RAB3GAP2: variants seen among roughly 807,000 people sequenced by gnomAD.
The protein encoded by RAB3GAP2 is rab3 GTPase-activating protein non-catalytic subunit.
A neutral mutation model predicts 185.3 loss-of-function variants in RAB3GAP2; 87 were observed. That is an observed-to-expected ratio of 0.47 (90% CI 0.39 to 0.56). The LOEUF (loss-of-function observed/expected upper bound fraction) is 0.56, where lower values mean the gene tolerates loss of function less well. Ranked by LOEUF, RAB3GAP2 falls within the 20% of genes least tolerant of loss-of-function variation. The pLI, the probability that RAB3GAP2 is intolerant of heterozygous loss-of-function variation, is 0.00. For synonymous variants in RAB3GAP2, 554 were observed against 576.1 expected, an observed-to-expected ratio of 0.96 and a Z score of 0.55; for missense variants, 1,492 against 1,638.2, an observed-to-expected ratio of 0.91 and a Z score of 1.54.
In RAB3GAP2 at chr1:220,157,140, G is replaced by A. The variant is rs538483297; in HGVS notation, c.3555+130C>T. On this transcript the variant is annotated intron_variant, in intron 31 of 34. Coordinates refer to ENST00000358951, the MANE Select transcript of RAB3GAP2 (RefSeq NM_012414.4). ...AAGAACGGAATCAAGCAGGGAATGA[G>A]GGAGTTGGAACCTCACACCAAATTA... The A allele has an allele frequency of 2.1e-5, 17 of 800,088 alleles. No homozygotes were observed. In the African/African-American group the frequency reaches 2.2e-4, roughly 10 times the overall value. 49.6% of individuals were successfully genotyped at this position (800,088 alleles called of 1,614,324 possible). A position where few individuals can be genotyped will look rare whatever the true frequency, so the allele number is the denominator to read the frequency against.
chr1:220,214,434 G>A (rs1466203293), intron 2 of RAB3GAP2, among the ~76,000 whole-genome samples: 2 of 152,026 alleles, frequency 1.3e-5, no homozygotes, highest in South Asian at 2.1e-4. Context: ...GCTGAGGCAG[G>A]AGAATCACTT....
chr1:220,220,848 G>A lies in RAB3GAP2; in HGVS notation c.181-6869C>T, dbSNP rs140259595. ...TTTCACCTTCCACCATGATTGTGAG[G>A]CCTCCCCAGCCACGTGGAAGTGTAA... On this transcript the variant is annotated intron_variant, in intron 2 of 34. Transcript: ENST00000358951. 7.0e-3 allele frequency among the ~76,000 whole-genome samples: 1,062 copies of A among 152,256 alleles called. 14 individuals carry two copies. Among genetic ancestry groups the A allele is most frequent in the African/African-American group, 0.025 (1,024 of 41,520 alleles).
Position 220,253,576 on chromosome 1 carries a change from C to T in RAB3GAP2, c.115+18647G>A, listed in dbSNP as rs187758400. On this transcript the variant is annotated intron_variant, in intron 1 of 34. Transcript: ENST00000358951. ...GGCGGCAAATCACTTATAAATGGCG[C>T]GGAAGCAGGACCCGAAGCCTAAATT... 5.1e-5 allele frequency: 81 copies of T among 1,583,196 alleles called. 1 individual carries two copies. The highest frequency in any genetic ancestry group is 2.1e-4 in the South Asian group (19 of 90,318).
intron 1 of RAB3GAP2, among the ~76,000 whole-genome samples, chr1:220,272,003 G>C (rs1158144629): frequency 6.6e-6 from 1 of 152,026 alleles, no homozygotes; most frequent in Non-Finnish European, 1.5e-5. Flanking sequence ...CCAGGGGTCA[G>C]AGGGCCTAAG....
intron 1 of RAB3GAP2, among the ~76,000 whole-genome samples, chr1:220,252,596 G>A (rs931186562): frequency 2.6e-5 from 4 of 152,226 alleles, no homozygotes; most frequent in Admixed American, 1.3e-4. Context: ...GAAGGGGCAC[G>A]GAGCCAAAGA....
At chr1:220,245,637 CG>C (rs1439462044) in intron 1 of RAB3GAP2, among the ~76,000 whole-genome samples, 2 of 151,752 alleles carry the variant, frequency 1.3e-5, no homozygotes, top group South Asian at 2.1e-4. Flanking sequence ...ACAAAGCAGC[CG>C]GGAAGCCCCA....
intron 2 of RAB3GAP2, among the ~76,000 whole-genome samples, chr1:220,228,939 T>C (rs1659451292): frequency 6.6e-6 from 1 of 152,236 alleles, no homozygotes; most frequent in African/African-American, 2.4e-5. Flanking sequence ...TCAGTATTTT[T>C]ATGTGTTTTT....
Position 220,167,622 on chromosome 1 carries a change from C to T in RAB3GAP2, c.2860G>A (p.Glu954Lys), listed in dbSNP as rs773506532. ...TCTTCATTAGCCAGTTTTAATACTT[C>T]AGGGCTGAAGTCCTGTTTAAATATC... Reference protein sequence around the residue: ...KWIFKQDFSPEVLKLANEERD... With the variant: ...KWIFKQDFSPKVLKLANEERD... The change falls in exon 25 of 35, where the codon GAA (glutamate) becomes AAA (lysine). Residue 954 changes from glutamate (E) to lysine (K), a missense_variant. By Grantham distance (56) the Glu-to-Lys change is moderately conservative (BLOSUM62 1). Around this residue, in one of 5 missense-constraint regions of RAB3GAP2, gnomAD observed 681 missense variants for 689.1 expected, o/e 0.99. Transcript: ENST00000358951. 9.3e-6 allele frequency: 15 copies of T among 1,614,148 alleles called. No individual in the cohort carries two copies. The South Asian group carries it at 1.6e-4, about 18-fold the overall frequency.
At chr1:220,184,684 G>A (rs543873667) in intron 18 of RAB3GAP2, among the ~76,000 whole-genome samples, 3 of 152,164 alleles carry the variant, frequency 2.0e-5, no homozygotes, top group South Asian at 4.1e-4. Context: ...ACTTGAAACT[G>A]ATGATTTTAT....
At chr1:220,252,152 G>GAAAAAAAAA (rs58516168) in intron 1 of RAB3GAP2, among the ~76,000 whole-genome samples, 15 of 95,928 alleles carry the variant, frequency 1.6e-4, no homozygotes, top group Admixed American at 2.6e-4. Flanking sequence ...CTCAAAAAAA[G>GAAAAAAAAA]AAAAAAAAAA....
intron 23 of RAB3GAP2, 119 bp downstream of exon 23, chr1:220,171,770 G>C: frequency 9.2e-7 from 1 of 1,082,328 alleles, no homozygotes. Flanking sequence ...GAAATTAAGG[G>C]GAGCACCTCT....
rs559056029 is a variant in RAB3GAP2, at chr1:220,245,637, C to G, written c.116-12774G>C. ...GGCTTGCTTAGGTAAACAAAGCAGCCGGGAAGCCCCAACTGGGTGGAGCCC... is the reference window on the plus strand; with the variant it reads ...GGCTTGCTTAGGTAAACAAAGCAGCGGGGAAGCCCCAACTGGGTGGAGCCC... On this transcript the variant is annotated intron_variant, in intron 1 of 34. Coordinates refer to ENST00000358951, the MANE Select transcript of RAB3GAP2 (RefSeq NM_012414.4). 3.1e-3 allele frequency among the ~76,000 whole-genome samples: 471 copies of G among 151,790 alleles called. 21 individuals are homozygous for G. In the East Asian group the frequency reaches 0.083, roughly 27 times the overall value.
At position 220,267,840 on chromosome 1, in the gene RAB3GAP2, A is replaced by G. The variant is rs540654113; in HGVS notation, c.115+4383T>C. ...CTGACAAGGAAATTGCTGAGTCACGAGAACATGTTCTGGACCTCCAACTGG... is the reference window on the plus strand; with the variant it reads ...CTGACAAGGAAATTGCTGAGTCACGGGAACATGTTCTGGACCTCCAACTGG... On this transcript the variant is annotated intron_variant, in intron 1 of 34. Transcript: ENST00000358951. 3.4e-5 allele frequency: 39 copies of G among 1,163,318 alleles called. No homozygotes were observed. The South Asian group carries it at 4.8e-4, about 14-fold the overall frequency. 72.1% of individuals were successfully genotyped at this position (1,163,318 alleles called of 1,614,324 possible).
intron 1 of RAB3GAP2, among the ~76,000 whole-genome samples, chr1:220,245,005 A>G: frequency 6.6e-6 from 1 of 152,246 alleles, no homozygotes; most frequent in East Asian, 1.9e-4. Context: ...CTGTACAGCA[A>G]AAGAAATAAT....
intron 2 of RAB3GAP2, among the ~76,000 whole-genome samples, chr1:220,215,028 T>C (rs1004863170): frequency 2.0e-5 from 3 of 148,250 alleles, no homozygotes; most frequent in African/African-American, 7.4e-5. Flanking sequence ...TTCATTCCAC[T>C]TCCACATGAA....
intron 6 of RAB3GAP2, 121 bp downstream of exon 6, chr1:220,210,680 A>G (rs938036672): frequency 7.8e-6 from 9 of 1,157,016 alleles, no homozygotes; most frequent in African/African-American, 3.1e-5. Context: ...CTCTACCCCC[A>G]TAAAGAATCA....
rs1395430907 is a variant in RAB3GAP2, at chr1:220,153,368, T to C, written c.3684A>G (p.Gln1228=). 2 of 1,614,208 alleles carry C rather than the reference T, an allele frequency of 1.2e-6. No homozygotes were observed. The highest frequency in any genetic ancestry group is 2.2e-5 in the East Asian group (1 of 44,886). The stretch of plus-strand genomic sequence containing the variant: ...GATCTTTGACCTTTGTGGCTGAATG[T>C]TGGGCCTGGACAGCTGCACTGACAA... ...LKVVSAAVQA[Q]HSATKVKDPT... is the part of the protein sequence containing the mutation. The change falls in exon 33 of 35, where the codon CAA becomes CAG. Residue 1228 remains glutamine, a synonymous_variant. Coordinates refer to ENST00000358951, the MANE Select transcript of RAB3GAP2 (RefSeq NM_012414.4).
In RAB3GAP2 at chr1:220,224,056, A is replaced by C. The variant is rs144503324; in HGVS notation, c.180+8743T>G. Among the ~76,000 whole-genome samples the C allele has an allele frequency of 2.6e-4, 39 of 150,628 alleles. No individual in the cohort carries two copies. The East Asian group carries it at 6.7e-3, about 26-fold the overall frequency. On this transcript the variant is annotated intron_variant, in intron 2 of 34. Coordinates refer to ENST00000358951, the MANE Select transcript of RAB3GAP2 (RefSeq NM_012414.4). The stretch of plus-strand genomic sequence containing the variant: ...GAAAATGTATATATCTTTTGAATTT[A>C]TTCTGATGGAATAAGGCTAGCTAAC...
chr1:220,163,268 G>A (rs1377475610), intron 27 of RAB3GAP2, among the ~76,000 whole-genome samples: 1 of 152,074 alleles, frequency 6.6e-6, no homozygotes, highest in African/African-American at 2.4e-5. Flanking sequence ...GCCCATCACA[G>A]GCTATGAGAA....
Sources: gnomAD v4.1 joint callset for allele counts (sites outside exome capture counted in the v4.1 genomes callset) on GRCh38, gnomAD v4.1.1 for gene constraint, gnomAD v4.1.1 regional missense constraint, MANE v1.5 for transcripts, NCBI Gene and HGNC (gene_info 2026-07-23, HGNC 2026-07-21) for gene names.